TMED3: variants seen among roughly 807,000 people sequenced by gnomAD.
TMED3 encodes transmembrane p24 trafficking protein 3.
A neutral mutation model predicts 15.0 loss-of-function variants in TMED3; 9 were observed. That is an observed-to-expected ratio of 0.60 (90% CI 0.36 to 1.04). TMED3 has a LOEUF of 1.04. TMED3 is among the 50% of genes least tolerant of loss of function. The pLI is 0.01. For missense variants in TMED3, 267 were observed against 278.9 expected (o/e 0.96, Z 0.30); for synonymous variants, 117 against 121.4 (o/e 0.96, Z 0.24).
chr15:79,328,626 A>G (rs2058796116), intron 2 of TMED3, among the ~76,000 whole-genome samples: 1 of 152,164 alleles, frequency 6.6e-6, no homozygotes, highest in Non-Finnish European at 1.5e-5. Flanking sequence ...GGGGGCAAGG[A>G]TAAGTTACAA....
In TMED3 at chr15:79,313,948, G is replaced by A. The variant is rs763773588; in HGVS notation, c.360G>A (p.Val120=). Residue 120 remains valine (V), a synonymous_variant, in exon 2 of 3, where the codon GTG becomes GTA. Transcript: ENST00000299705. The stretch of plus-strand genomic sequence containing the variant: ...AGACCGTCTACTTTGACTTTCAAGT[G>A]GGCGATGAGCCTCCCATTCTCCCAG... ...SHKTVYFDFQ[V]GDEPPILPDM... 1.2e-6 allele frequency: 2 copies of A among 1,614,190 alleles called. No homozygotes were observed. Among genetic ancestry groups the A allele is most frequent in the African/African-American group, 2.7e-5 (2 of 75,032 alleles).
At chr15:79,319,905 T>C (rs957686228) in intron 2 of TMED3, among the ~76,000 whole-genome samples, 7 of 152,176 alleles carry the variant, frequency 4.6e-5, no homozygotes, top group African/African-American at 1.7e-4. Context: ...GTACACAGGA[T>C]GGAACATGAA....
chr15:79,392,569 A>T (rs767052246), intron 2 of TMED3, among the ~76,000 whole-genome samples: 4 of 152,134 alleles, frequency 2.6e-5, no homozygotes, highest in Non-Finnish European at 4.4e-5. Flanking sequence ...CCTGATGACG[A>T]TGTGCCCAGG....
exon 3 of TMED3, chr15:79,413,441 C>A (rs1894021398): frequency 6.6e-6 from 1 of 152,204 alleles, no homozygotes; most frequent in Non-Finnish European, 1.5e-5. Flanking sequence ...ATGGAAACAA[C>A]AAGAAGCTTT....
intron 2 of TMED3, among the ~76,000 whole-genome samples, chr15:79,379,113 A>G (rs544553481): frequency 1.3e-5 from 2 of 152,370 alleles, no homozygotes; most frequent in South Asian, 2.1e-4. Context: ...ACCAACATGT[A>G]TTAAGTGACT....
At chr15:79,338,134 A>G (rs2058833884) in intron 2 of TMED3, among the ~76,000 whole-genome samples, 3 of 152,378 alleles carry the variant, frequency 2.0e-5, no homozygotes. Context: ...GTGTTCATGT[A>G]TAATATATAG....
chr15:79,344,317 T>C lies in TMED3; in HGVS notation c.417+30312T>C, dbSNP rs531762103. Among the ~76,000 whole-genome samples, 9 of 152,318 alleles carry C rather than the reference T, an allele frequency of 5.9e-5. 1 individual carries two copies. The South Asian group carries it at 1.0e-3, about 18-fold the overall frequency. On this transcript the variant is annotated intron_variant, in intron 2 of 2. Transcript: ENST00000424155. ...ATTGCTGTAACAAATGACCACAAACTGGGAAGCTTAAAACAACATAATTTT... is the reference window on the plus strand; with the variant it reads ...ATTGCTGTAACAAATGACCACAAACCGGGAAGCTTAAAACAACATAATTTT...
intron 2 of TMED3, among the ~76,000 whole-genome samples, chr15:79,355,040 C>CACTGGG (rs2058913222): frequency 6.6e-6 from 1 of 152,140 alleles, no homozygotes; most frequent in South Asian, 2.1e-4. Flanking sequence ...CCAATCCCTG[C>CACTGGG]CACTGGGTTT....
At chr15:79,386,003 C>A (rs547694773) in intron 2 of TMED3, among the ~76,000 whole-genome samples, 14 of 152,240 alleles carry the variant, frequency 9.2e-5, no homozygotes, top group African/African-American at 3.4e-4. Context: ...CAACACTAGA[C>A]CAGGGGAGAA....
chr15:79,408,251 C>G (rs951982633), intron 2 of TMED3, among the ~76,000 whole-genome samples: 4 of 152,198 alleles, frequency 2.6e-5, no homozygotes, highest in Admixed American at 1.3e-4. Context: ...GGTTTGCAGG[C>G]CCTGCTTAGA....
intron 2 of TMED3, among the ~76,000 whole-genome samples, chr15:79,331,939 T>C (rs1018853895): frequency 2.6e-5 from 4 of 152,092 alleles, no homozygotes; most frequent in Non-Finnish European, 4.4e-5. Context: ...GGAACTCTTA[T>C]ACACTGTGGA....
chr15:79,323,389 C>G (rs2058776379), downstream of TMED3, among the ~76,000 whole-genome samples: 1 of 152,172 alleles, frequency 6.6e-6, no homozygotes, highest in South Asian at 2.1e-4. Context: ...AAAGGATACC[C>G]CATAAGCCTC....
chr15:79,344,434 TG>T (rs1407012980), intron 2 of TMED3, among the ~76,000 whole-genome samples: 2 of 152,212 alleles, frequency 1.3e-5, no homozygotes, highest in Non-Finnish European at 2.9e-5. Context: ...GCTCATTCCA[TG>T]TCTCTCTCCA....
intron 2 of TMED3, among the ~76,000 whole-genome samples, chr15:79,395,122 C>T (rs915864350): frequency 5.3e-5 from 8 of 152,004 alleles, no homozygotes; most frequent in African/African-American, 1.5e-4. Flanking sequence ...TTCCTGTTTT[C>T]GTTTTTTTAC....
downstream of TMED3, among the ~76,000 whole-genome samples, chr15:79,325,571 G>A (rs935699077): frequency 6.6e-6 from 1 of 152,280 alleles, no homozygotes. Flanking sequence ...ATATATGAAA[G>A]GGAGTTTATT....
At chr15:79,377,792 G>A (rs1430841911) in intron 2 of TMED3, among the ~76,000 whole-genome samples, 2 of 151,924 alleles carry the variant, frequency 1.3e-5, no homozygotes, top group South Asian at 2.1e-4. Context: ...GACTACAGGC[G>A]CCCGCCACCG....
At chr15:79,323,239 C>G (rs1052706607), downstream of TMED3, among the ~76,000 whole-genome samples, 2 of 152,158 alleles carry the variant, frequency 1.3e-5, no homozygotes, top group African/African-American at 2.4e-5. Context: ...GAAATGAATG[C>G]ATACCAATCA....
chr15:79,356,709 A>G (rs996988930), intron 2 of TMED3, among the ~76,000 whole-genome samples: 3 of 152,216 alleles, frequency 2.0e-5, no homozygotes, highest in Non-Finnish European at 4.4e-5. Context: ...TAAAAAATTC[A>G]GTTGAAAGCA....
In TMED3 at chr15:79,398,284, A is replaced by C. The variant is rs899501723; in HGVS notation, c.418-13116A>C. On this transcript the variant is annotated intron_variant, in intron 2 of 2. Coordinates refer to the TMED3 transcript ENST00000424155. ...CTTTTTCACTTAGTAATATGCATTC[A>C]AGATTCCTTCATGTCATTTATTTTA... Among the ~76,000 whole-genome samples the C allele has an allele frequency of 9.9e-5, 15 of 151,994 alleles. 1 individual carries two copies. The highest frequency in any genetic ancestry group is 3.1e-4 in the African/African-American group (13 of 41,380).
Sources: allele counts gnomAD v4.1 joint callset (sites outside exome capture counted in the v4.1 genomes callset), GRCh38; gene constraint gnomAD v4.1.1; transcripts MANE v1.5; gene names NCBI Gene and HGNC (gene_info 2026-07-23, HGNC 2026-07-21).